Variants in SENP7 observed in about 807,000 individuals in gnomAD.
SENP7 encodes SUMO specific peptidase 7.
A neutral mutation model predicts 141.2 loss-of-function variants in SENP7; 64 were observed. The observed-to-expected ratio is 0.45, with a 90% confidence interval of 0.37 to 0.56. The LOEUF (loss-of-function observed/expected upper bound fraction) is 0.56, where lower values mean the gene tolerates loss of function less well. SENP7 is among the 20% of genes least tolerant of loss of function. The probability of loss-of-function intolerance (pLI) is 0.00; values close to 1 mark genes in which losing one functional copy is unlikely to be tolerated. For synonymous variants in SENP7, 382 were observed against 426.4 expected, an observed-to-expected ratio of 0.90 and a Z score of 1.28; for missense variants, 1,025 against 1,212.2, an observed-to-expected ratio of 0.85 and a Z score of 2.29.
intron 4 of SENP7, among the ~76,000 whole-genome samples, chr3:101,453,758 C>A (rs59092914): frequency 0.012 from 1,834 of 151,958 alleles, 31 homozygotes; most frequent in African/African-American, 0.041. Flanking sequence ...GGAGATATAC[C>A]TAATGTTAAA....
intron 4 of SENP7, among the ~76,000 whole-genome samples, chr3:101,418,785 T>C (rs1427933663): frequency 2.0e-5 from 3 of 151,812 alleles, no homozygotes; most frequent in African/African-American, 7.3e-5. Context: ...CATAGAACAC[T>C]GAAAACTCCA....
At chr3:101,335,526 T>C (rs1353930563) in intron 17 of SENP7, among the ~76,000 whole-genome samples, 2 of 152,188 alleles carry the variant, frequency 1.3e-5, no homozygotes, top group Non-Finnish European at 2.9e-5. Context: ...TGTGTGTGTG[T>C]GTAGTATCTT....
At chr3:101,395,159 T>C (rs1195001015) in intron 6 of SENP7, among the ~76,000 whole-genome samples, 1 of 152,210 alleles carries the variant, frequency 6.6e-6, no homozygotes, top group Non-Finnish European at 1.5e-5. Context: ...CAGCTTAATA[T>C]AGTCTCATTT....
chr3:101,398,947 T>C lies in SENP7; in HGVS notation c.591A>G (p.Gln197=), dbSNP rs773739099. ...CAGATGATGAAGAAAGTTGCTCTGA[T>C]TGCAAGTTGTCTGTATCACTCAAAC... ...EGSLSDTDNL[Q]SEQLSSSSDG... The change falls in exon 6 of 24, where the codon CAA becomes CAG. Residue 197 remains glutamine, a synonymous_variant. Coordinates refer to ENST00000394095, the MANE Select transcript of SENP7 (RefSeq NM_020654.5). The C allele has an allele frequency of 2.5e-6, 4 of 1,613,854 alleles. No individual in the cohort carries two copies. The highest frequency in any genetic ancestry group is 1.1e-5 in the South Asian group (1 of 91,062).
intron 6 of SENP7, among the ~76,000 whole-genome samples, chr3:101,382,328 T>C (rs1444708548): frequency 6.6e-6 from 1 of 152,066 alleles, no homozygotes; most frequent in African/African-American, 2.4e-5. Flanking sequence ...AGGCACACAG[T>C]ACTGCACCTG....
In SENP7 at chr3:101,458,964, G is replaced by A. The variant is rs774130984; in HGVS notation, c.275C>T (p.Ser92Leu). 4 of 1,597,028 alleles carry A rather than the reference G, an allele frequency of 2.5e-6. No individual in the cohort carries two copies. The East Asian group carries it at 8.9e-5, about 36-fold the overall frequency. The part of the protein sequence containing the change: ...IRGCPVTSKS[S>L]PERQLKVMLT... ...CACACACATATCTTACCTTTCTGGT[G>A]ATGACTTGGAAGTAACAGGACACCC... The change falls in exon 4 of 24, where the codon TCA becomes TTA. Residue 92 changes from serine (S) to leucine (L), a missense_variant. Around this residue, in one of 4 missense-constraint regions of SENP7, gnomAD observed 496 missense variants for 503.5 expected, o/e 0.99. Coordinates refer to ENST00000394095, the MANE Select transcript of SENP7 (RefSeq NM_020654.5).
chr3:101,429,525 T>G (rs939445187), intron 4 of SENP7, among the ~76,000 whole-genome samples: 2 of 152,242 alleles, frequency 1.3e-5, no homozygotes, highest in Non-Finnish European at 2.9e-5. Context: ...CTTGTGATTT[T>G]TGCACATTGA....
At chr3:101,362,062 A>G (rs2059917257) in intron 10 of SENP7, among the ~76,000 whole-genome samples, 1 of 152,184 alleles carries the variant, frequency 6.6e-6, no homozygotes, top group Non-Finnish European at 1.5e-5. Context: ...AAATTACACT[A>G]AATAGCTGAA....
chr3:101,481,686 G>A (rs1048969916), intron 3 of SENP7, among the ~76,000 whole-genome samples: 1 of 152,162 alleles, frequency 6.6e-6, no homozygotes, highest in African/African-American at 2.4e-5. Flanking sequence ...TGCTTGTGAT[G>A]ATGGATATCC....
intron 11 of SENP7, chr3:101,357,611 G>A: frequency 1.1e-6 from 1 of 948,844 alleles, no homozygotes; most frequent in South Asian, 1.5e-5. Context: ...AAGTGTGGAT[G>A]AGTGTAAGGT....
chr3:101,338,695 A>G (rs2059252290), intron 16 of SENP7, among the ~76,000 whole-genome samples: 2 of 152,076 alleles, frequency 1.3e-5, no homozygotes, highest in African/African-American at 2.4e-5. Flanking sequence ...TAGGGAAAGA[A>G]CTACCCAAAA....
intron 3 of SENP7, among the ~76,000 whole-genome samples, chr3:101,476,991 G>A (rs1446264485): frequency 6.6e-6 from 1 of 152,028 alleles, no homozygotes; most frequent in Non-Finnish European, 1.5e-5. Flanking sequence ...TGTAGATTCT[G>A]GATAGTAGTC....
intron 3 of SENP7, among the ~76,000 whole-genome samples, chr3:101,475,409 T>A (rs1359071588): frequency 1.3e-5 from 2 of 152,178 alleles, no homozygotes; most frequent in African/African-American, 4.8e-5. Context: ...TGCAGGGACA[T>A]GGATGGAGCT....
intron 6 of SENP7, among the ~76,000 whole-genome samples, chr3:101,391,085 A>G (rs981622595): frequency 1.3e-5 from 2 of 152,164 alleles, no homozygotes; most frequent in Non-Finnish European, 2.9e-5. Flanking sequence ...TATGGGATCC[A>G]GCAAAAGCAG....
In SENP7 at chr3:101,367,862, A is replaced by G. The variant is rs2060078550; in HGVS notation, c.946T>C (p.Cys316Arg). Residue 316 changes from cysteine (C) to arginine (R), a missense_variant, in exon 8 of 24, where the codon TGT becomes CGT. Transcript: ENST00000394095. ...TCTGTTGACTTATCCAAAGAAGTAC[A>G]ATATTGAGAATCAGGTAAATTATTT... ...LRNNLPDSQYCTSLDKSTEQT... is the reference protein window; with the variant it reads ...LRNNLPDSQYRTSLDKSTEQT... The G allele has an allele frequency of 2.5e-6, 4 of 1,606,800 alleles. No homozygotes were observed. The highest frequency in any genetic ancestry group is 3.4e-6 in the Non-Finnish European group (4 of 1,174,046).
intron 4 of SENP7, among the ~76,000 whole-genome samples, chr3:101,443,051 G>A (rs532687978): frequency 6.6e-4 from 100 of 152,132 alleles, no homozygotes; most frequent in Non-Finnish European, 1.1e-3. Context: ...TGGTAATGCC[G>A]AGGTTTTCTT....
intron 3 of SENP7, among the ~76,000 whole-genome samples, chr3:101,488,567 C>T (rs1022747636): frequency 2.0e-5 from 3 of 152,182 alleles, no homozygotes; most frequent in Admixed American, 6.5e-5. Context: ...GCAGGCCAGG[C>T]GCGGTGGCTC....
intron 1 of SENP7, among the ~76,000 whole-genome samples, chr3:101,507,912 G>A (rs2065688301): frequency 6.6e-6 from 1 of 151,854 alleles, no homozygotes; most frequent in Non-Finnish European, 1.5e-5. Context: ...AGCTGGGCAT[G>A]GTGGCACTCA....
Position 101,469,598 on chromosome 3 carries a change from G to A in SENP7, c.187-10546C>T, listed in dbSNP as rs1382327021. Among the ~76,000 whole-genome samples the A allele has an allele frequency of 2.6e-5, 3 of 116,456 alleles. 1 individual carries two copies. The highest frequency in any genetic ancestry group is 5.6e-5 in the Non-Finnish European group (3 of 53,848). 76.4% of individuals were successfully genotyped at this position (116,456 alleles called of 152,430 possible). A position where few individuals can be genotyped will look rare whatever the true frequency, so the allele number is the denominator to read the frequency against. ...CCAGCACTTTGGGAGGCCGAGGCGG[G>A]TGGATCATGAGGTCAGGAGATCGAG... On this transcript the variant is annotated intron_variant, in intron 3 of 23. Transcript: ENST00000394095.
Sources: gnomAD v4.1 joint callset for allele counts (sites outside exome capture counted in the v4.1 genomes callset) on GRCh38, gnomAD v4.1.1 for gene constraint, gnomAD v4.1.1 regional missense constraint, MANE v1.5 for transcripts, NCBI Gene and HGNC (gene_info 2026-07-23, HGNC 2026-07-21) for gene names.